Variants in ADGRV1 observed in about 807,000 individuals in gnomAD.
The protein encoded by ADGRV1 is adhesion G protein-coupled receptor V1.
ADGRV1 carries 359 observed loss-of-function variants against 596.2 expected under a neutral mutation model. That is an observed-to-expected ratio of 0.60 (90% CI 0.55 to 0.66). ADGRV1 has a LOEUF of 0.66. Ranked by LOEUF, ADGRV1 falls within the 30% of genes least tolerant of loss-of-function variation. ADGRV1 has a pLI of 0.00. For synonymous variants in ADGRV1, 2,681 were observed against 2,679.2 expected (o/e 1.00, Z -0.02); for missense variants, 7,274 against 7,575.6 (o/e 0.96, Z 1.48).
intron 55 of ADGRV1, 69 bp downstream of exon 55, chr5:90,755,254 C>T: frequency 3.0e-6 from 3 of 1,004,394 alleles, no homozygotes; most frequent in Non-Finnish European, 4.3e-6. Context: ...TTGTGATGCT[C>T]TTGTAAGTAA....
chr5:90,834,105 A>G (rs1408704389), intron 77 of ADGRV1, among the ~76,000 whole-genome samples: 3 of 152,098 alleles, frequency 2.0e-5, no homozygotes, highest in African/African-American at 7.2e-5. Context: ...CTATGTCTAG[A>G]AAAGTTGTTG....
At position 90,777,503 on chromosome 5, in the gene ADGRV1, T is replaced by A. The variant is rs10514337; in HGVS notation, c.12528-402T>A. 0.027 allele frequency among the ~76,000 whole-genome samples: 4,146 copies of A among 152,282 alleles called. 273 individuals carry two copies. In the East Asian group the frequency reaches 0.28, roughly 10 times the overall value. On this transcript the variant is annotated intron_variant, in intron 61 of 89. Coordinates refer to ENST00000405460, the MANE Select transcript of ADGRV1 (RefSeq NM_032119.4). ...ACTTTATACTTTATCCTCATGGTAG[T>A]TATCCAGAAGTAAGACTATCCCTTC... is the stretch of plus-strand genomic sequence containing the variant.
Position 90,647,542 on chromosome 5 carries a change from A to G in ADGRV1, c.3067A>G (p.Thr1023Ala). 1 of 1,613,818 alleles carries G rather than the reference A, an allele frequency of 6.2e-7. No individual in the cohort carries two copies. The change falls in exon 17 of 90, where the codon ACA becomes GCA. Residue 1023 changes from threonine (T) to alanine (A), a missense_variant. By Grantham distance (58) the Thr-to-Ala change is moderately conservative. This residue lies in a region of ADGRV1 where 1,715 missense variants were observed against 1,708.8 expected (regional missense o/e 1.00). Coordinates refer to ENST00000405460, the MANE Select transcript of ADGRV1 (RefSeq NM_032119.4). ...RVQEGETANFTVLRNGSVDVT... is the reference protein window; with the variant it reads ...RVQEGETANFAVLRNGSVDVT... ...TCAGGAAGGTGAGACTGCCAACTTT[A>G]CAGTTCTCAGAAATGGATCTGTTGA... is the stretch of plus-strand genomic sequence containing the variant.
chr5:90,825,384 A>G (rs146483552), intron 76 of ADGRV1, among the ~76,000 whole-genome samples: 3 of 152,224 alleles, frequency 2.0e-5, no homozygotes, highest in Non-Finnish European at 4.4e-5. Flanking sequence ...AGTTATATGC[A>G]GTGTTACAAC....
intron 1 of ADGRV1, among the ~76,000 whole-genome samples, chr5:90,595,828 G>C (rs1164909747): frequency 1.3e-5 from 2 of 148,300 alleles, no homozygotes; most frequent in Admixed American, 6.6e-5. Context: ...GCAGCTGGCC[G>C]GGTGGGCGGC....
At chr5:90,595,815 G>A (rs1160227480) in intron 1 of ADGRV1, among the ~76,000 whole-genome samples, 1 of 146,296 alleles carries the variant, frequency 6.8e-6, no homozygotes, top group Non-Finnish European at 1.5e-5. Flanking sequence ...CCTCCCGGAC[G>A]GGGCAGCTGG....
intron 1 of ADGRV1, among the ~76,000 whole-genome samples, chr5:90,575,256 T>C (rs1382322662): frequency 2.0e-5 from 3 of 152,068 alleles, no homozygotes; most frequent in Non-Finnish European, 2.9e-5. Context: ...TTTTGTGTTA[T>C]GTTATTTTAT....
chr5:90,747,437 G>T (rs1297525544), intron 52 of ADGRV1, among the ~76,000 whole-genome samples: 2 of 152,086 alleles, frequency 1.3e-5, no homozygotes, highest in Non-Finnish European at 2.9e-5. Flanking sequence ...TTACGGCAAA[G>T]AATACAAAAT....
intron 83 of ADGRV1, among the ~76,000 whole-genome samples, chr5:90,952,595 GCTTCCAGAAGTC>G (rs1777145202): frequency 6.6e-6 from 1 of 152,166 alleles, no homozygotes; most frequent in South Asian, 2.1e-4. Flanking sequence ...GTACAGTTGA[GCTTCCAGAAGTC>G]CTTGTCTTAC....
chr5:91,095,219 T>C (rs1477225805), intron 86 of ADGRV1, among the ~76,000 whole-genome samples: 2 of 152,020 alleles, frequency 1.3e-5, no homozygotes, highest in Non-Finnish European at 1.5e-5. Context: ...TTTTTTTTTT[T>C]TACACGGGGT....
chr5:90,948,418 A>G (rs1043501884), intron 83 of ADGRV1, among the ~76,000 whole-genome samples: 1 of 152,128 alleles, frequency 6.6e-6, no homozygotes. Flanking sequence ...ATGATATACA[A>G]CTGTTCACCA....
At chr5:90,957,919 A>G (rs1777626147) in intron 83 of ADGRV1, among the ~76,000 whole-genome samples, 1 of 151,940 alleles carries the variant, frequency 6.6e-6, no homozygotes. Flanking sequence ...AGCAAGTCAA[A>G]AGGATAATAT....
At chr5:90,979,640 G>A (rs970108503) in intron 84 of ADGRV1, among the ~76,000 whole-genome samples, 2 of 152,134 alleles carry the variant, frequency 1.3e-5, no homozygotes, top group African/African-American at 2.4e-5. Flanking sequence ...TGACTTGTAA[G>A]ATCTGTGTTG....
chr5:91,117,770 A>G (rs1458603295), intron 87 of ADGRV1, among the ~76,000 whole-genome samples: 1 of 152,232 alleles, frequency 6.6e-6, no homozygotes, highest in Non-Finnish European at 1.5e-5. Context: ...AACTGATGAT[A>G]CTGACAATAA....
chr5:90,707,949 T>C (rs931030926), intron 38 of ADGRV1, among the ~76,000 whole-genome samples: 2 of 152,138 alleles, frequency 1.3e-5, no homozygotes, highest in Non-Finnish European at 2.9e-5. Context: ...GCAGTCCTTC[T>C]ATATCACTGA....
chr5:90,770,721 A>T (rs915821612), intron 59 of ADGRV1, among the ~76,000 whole-genome samples: 1 of 152,200 alleles, frequency 6.6e-6, no homozygotes, highest in Non-Finnish European at 1.5e-5. Flanking sequence ...AACAAAAACA[A>T]AAAAACCTCA....
At chr5:91,134,379 G>A (rs1464582170) in intron 87 of ADGRV1, among the ~76,000 whole-genome samples, 3 of 152,070 alleles carry the variant, frequency 2.0e-5, no homozygotes, top group African/African-American at 7.2e-5. Context: ...TGTAAAGACA[G>A]GGTTTCACCA....
intron 86 of ADGRV1, among the ~76,000 whole-genome samples, chr5:91,088,249 A>G (rs1790058397): frequency 6.6e-6 from 1 of 152,204 alleles, no homozygotes; most frequent in South Asian, 2.1e-4. Flanking sequence ...ATACTCATTG[A>G]ATTATACAAT....
Position 90,959,947 on chromosome 5 carries a change from G to A in ADGRV1, c.17857-5468G>A, listed in dbSNP as rs578102162. Among the ~76,000 whole-genome samples, 19 of 152,128 alleles carry A rather than the reference G, an allele frequency of 1.2e-4. No homozygotes were observed. The East Asian group carries it at 2.9e-3, about 23-fold the overall frequency. Reference sequence around the variant, plus strand: ...GAGGTCAGGAGATCAAGACCATCCTGGCTAACACGGTGAAACCCCGTCTCT... The same window carrying A: ...GAGGTCAGGAGATCAAGACCATCCTAGCTAACACGGTGAAACCCCGTCTCT... On this transcript the variant is annotated intron_variant, in intron 83 of 89. Transcript: ENST00000405460.
Sources: gnomAD v4.1 joint callset for allele counts (sites outside exome capture counted in the v4.1 genomes callset) on GRCh38, gnomAD v4.1.1 for gene constraint, gnomAD v4.1.1 regional missense constraint, MANE v1.5 for transcripts, NCBI Gene and HGNC (gene_info 2026-07-23, HGNC 2026-07-21) for gene names.